Variants in SSH2 observed in about 807,000 individuals in gnomAD.
SSH2 encodes slingshot protein phosphatase 2.
In SSH2, 37 loss-of-function variants were observed where a neutral mutation model predicts 135.2. The observed-to-expected ratio is 0.27, with a 90% CI of 0.21 to 0.36. SSH2 has a LOEUF of 0.36. SSH2 is among the 10% of genes least tolerant of loss of function. SSH2 has a pLI of 1.00. For synonymous variants in SSH2, 628 were observed against 646.2 expected, an observed-to-expected ratio of 0.97 and a Z score of 0.43; for missense variants, 1,408 against 1,765.3, an observed-to-expected ratio of 0.80 and a Z score of 3.63.
At chr17:29,763,440 T>G (rs2041369051) in intron 3 of SSH2, among the ~76,000 whole-genome samples, 1 of 151,904 alleles carries the variant, frequency 6.6e-6, no homozygotes, top group African/African-American at 2.4e-5. Flanking sequence ...TCTGGCAAAC[T>G]TGCCAGTTTG....
At chr17:29,669,540 CT>C (rs1226850430) in intron 9 of SSH2, among the ~76,000 whole-genome samples, 2 of 152,146 alleles carry the variant, frequency 1.3e-5, no homozygotes, top group Non-Finnish European at 2.9e-5. Flanking sequence ...CACAAATCTG[CT>C]TTTTCCTCCT....
At chr17:29,901,871 A>C (rs1159317148) in intron 1 of SSH2, among the ~76,000 whole-genome samples, 1 of 151,716 alleles carries the variant, frequency 6.6e-6, no homozygotes, top group Non-Finnish European at 1.5e-5. Flanking sequence ...GCAGCTTTGA[A>C]CTCCTGGGCT....
chr17:29,655,812 GA>G (rs2036757610), intron 11 of SSH2, among the ~76,000 whole-genome samples: 1 of 152,072 alleles, frequency 6.6e-6, no homozygotes, highest in Non-Finnish European at 1.5e-5. Context: ...CATTTTTACA[GA>G]TACAAAAACC....
intron 3 of SSH2, among the ~76,000 whole-genome samples, chr17:29,725,704 C>T (rs566499114): frequency 1.1e-4 from 17 of 152,254 alleles, no homozygotes; most frequent in African/African-American, 4.1e-4. Context: ...ACAATGAGAA[C>T]ACATGGACAC....
chr17:29,657,987 G>T (rs1417227007), intron 11 of SSH2, among the ~76,000 whole-genome samples: 1 of 150,494 alleles, frequency 6.6e-6, no homozygotes, highest in African/African-American at 2.4e-5. Flanking sequence ...TTATCTTGGA[G>T]AATTCCCCAC....
chr17:29,648,336 C>T lies in SSH2; in HGVS notation c.1235G>A (p.Gly412Glu). Reference protein sequence around the residue: ...YKFISKAKKHGSKCLVHCKMG... With the variant: ...YKFISKAKKHESKCLVHCKMG... ...TTTGCAGTGCACAAGGCATTTAGAT[C>T]CATGTTTCCTTGTTTGGGGGATTGA... The change falls in exon 14 of 16, where the codon GGA becomes GAA. Residue 412 changes from glycine to glutamate, a missense_variant. Around this residue, in one of 3 missense-constraint regions of SSH2, gnomAD observed 106 missense variants for 265.2 expected, o/e 0.40. Coordinates refer to ENST00000540801, the MANE Select transcript of SSH2 (RefSeq NM_001282129.2). 2 of 1,601,812 alleles carry T rather than the reference C, an allele frequency of 1.2e-6. No individual in the cohort carries two copies. The highest frequency in any genetic ancestry group is 8.5e-7 in the Non-Finnish European group (1 of 1,172,256).
chr17:29,751,570 T>C (rs1056066493), intron 3 of SSH2, among the ~76,000 whole-genome samples: 33 of 151,924 alleles, frequency 2.2e-4, no homozygotes, highest in African/African-American at 5.8e-4. Flanking sequence ...TATACAACAA[T>C]GCAGGTTTGT....
chr17:29,704,695 T>A, intron 3 of SSH2, among the ~76,000 whole-genome samples: 1 of 134,684 alleles, frequency 7.4e-6, no homozygotes, highest in African/African-American at 3.0e-5. Context: ...AGAGCAAGAC[T>A]CTGTCTCTTA....
intron 3 of SSH2, among the ~76,000 whole-genome samples, chr17:29,737,094 GTC>G (rs1245474189): frequency 1.5e-5 from 1 of 65,654 alleles, no homozygotes; most frequent in African/African-American, 7.7e-5. Context: ...GCAAGACTCT[GTC>G]TCAAAAAAAA....
chr17:29,756,589 T>G (rs1330859042), intron 3 of SSH2, among the ~76,000 whole-genome samples: 2 of 151,832 alleles, frequency 1.3e-5, no homozygotes, highest in East Asian at 3.9e-4. Context: ...ATTACAAGTG[T>G]GAGCCACTGC....
In SSH2 at chr17:29,631,773, C is replaced by T. The variant is rs1169460221; in HGVS notation, c.3421G>A (p.Ala1141Thr). The change falls in exon 16 of 16, where the codon GCA (alanine) becomes ACA (threonine). Residue 1141 changes from alanine (A) to threonine (T), a missense_variant. This residue lies in a region of SSH2 where 1,080 missense variants were observed against 1,144.5 expected (regional missense o/e 0.94). Transcript: ENST00000540801. The stretch of plus-strand genomic sequence containing the variant: ...GTTGTATGACTGACAAAAGGTGCTG[C>T]TGTCTCCAGGGCTGTGGACAGGCTG... ...GSSLSTALETAAPFVSHTTHL... is the reference protein window; with the variant it reads ...GSSLSTALETTAPFVSHTTHL... 6.2e-7 allele frequency: 1 copy of T among 1,614,206 alleles called. No individual in the cohort carries two copies. Among genetic ancestry groups the T allele is most frequent in the Non-Finnish European group, 8.5e-7 (1 of 1,180,046 alleles).
chr17:29,874,712 T>C (rs1054031174), intron 1 of SSH2, among the ~76,000 whole-genome samples: 1 of 152,210 alleles, frequency 6.6e-6, no homozygotes, highest in Non-Finnish European at 1.5e-5. Flanking sequence ...TAGTCTTGGG[T>C]ATGACCTTAT....
chr17:29,898,746 T>C (rs949004220), intron 1 of SSH2, among the ~76,000 whole-genome samples: 1 of 151,988 alleles, frequency 6.6e-6, no homozygotes, highest in Admixed American at 6.6e-5. Flanking sequence ...TTCCAATCAA[T>C]AGAAAAAGAG....
At position 29,631,189 on chromosome 17, in the gene SSH2, T is replaced by C; in HGVS notation, c.4005A>G (p.Leu1335=). 6.2e-7 allele frequency: 1 copy of C among 1,614,158 alleles called. No individual in the cohort carries two copies. Among genetic ancestry groups the C allele is most frequent in the South Asian group, 1.1e-5 (1 of 91,086 alleles). ...GMHAMEDQES[L]ENPGAPHNPE... The stretch of plus-strand genomic sequence containing the variant: ...GGTTGTGGGGGGCACCTGGGTTTTC[T>C]AGGGACTCTTGGTCCTCCATCGCGT... Residue 1335 remains leucine, a synonymous_variant, in exon 16 of 16, where the codon CTA becomes CTG. Transcript: ENST00000540801.
chr17:29,631,170 G>A lies in SSH2; in HGVS notation c.4024C>T (p.His1342Tyr), dbSNP rs956773710. 45 of 1,614,134 alleles carry A rather than the reference G, an allele frequency of 2.8e-5. No homozygotes were observed. The highest frequency in any genetic ancestry group is 3.7e-5 in the Non-Finnish European group (44 of 1,180,038). Residue 1342 changes from histidine to tyrosine, a missense_variant, in exon 16 of 16, where the codon CAC becomes TAC. His to Tyr is a moderately conservative substitution (Grantham distance 83). This residue lies in a region of SSH2 where 1,080 missense variants were observed against 1,144.5 expected (regional missense o/e 0.94). Transcript: ENST00000540801. Reference protein sequence around the residue: ...QESLENPGAPHNPEPTKSFVE... With the variant: ...QESLENPGAPYNPEPTKSFVE... ...AAAGACTTGGTGGGCTCTGGGTTGT[G>A]GGGGGCACCTGGGTTTTCTAGGGAC...
At chr17:29,878,399 C>T (rs1051095767) in intron 1 of SSH2, among the ~76,000 whole-genome samples, 1 of 152,142 alleles carries the variant, frequency 6.6e-6, no homozygotes, top group South Asian at 2.1e-4. Context: ...TGCACTCCAG[C>T]CTGGGTAACA....
chr17:29,778,169 G>A (rs931073751), intron 3 of SSH2, among the ~76,000 whole-genome samples: 7 of 152,198 alleles, frequency 4.6e-5, no homozygotes, highest in African/African-American at 1.7e-4. Flanking sequence ...CAATTTCACA[G>A]CTACCCAAAT....
chr17:29,748,531 AAAG>A (rs1258755240), intron 3 of SSH2, among the ~76,000 whole-genome samples: 1 of 152,186 alleles, frequency 6.6e-6, no homozygotes, highest in African/African-American at 2.4e-5. Flanking sequence ...AGAGAAAAAA[AAAG>A]CCCTTAAACC....
intron 2 of SSH2, among the ~76,000 whole-genome samples, chr17:29,830,450 T>C (rs12947463): frequency 0.039 from 5,880 of 152,318 alleles, 173 homozygotes; most frequent in Non-Finnish European, 0.059. Flanking sequence ...AGGTCCCTGA[T>C]TGCTATATTC....
Sources: allele counts gnomAD v4.1 joint callset (sites outside exome capture counted in the v4.1 genomes callset), GRCh38; gene constraint gnomAD v4.1.1; regional missense constraint gnomAD v4.1.1; transcripts MANE v1.5; gene names NCBI Gene and HGNC (gene_info 2026-07-23, HGNC 2026-07-21).